TINAGL1: variants seen among roughly 807,000 people sequenced by gnomAD.
The protein encoded by TINAGL1 is tubulointerstitial nephritis antigen-like.
A neutral mutation model predicts 62.0 loss-of-function variants in TINAGL1; 34 were observed. That is an observed-to-expected ratio of 0.55 (90% CI 0.42 to 0.73). TINAGL1 has a LOEUF of 0.73. Among genes scored for constraint, TINAGL1 ranks in the 30% least tolerant of loss-of-function variants. The pLI, the probability that TINAGL1 is intolerant of heterozygous loss-of-function variation, is 0.00. For missense variants in TINAGL1, 516 were observed against 653.2 expected (o/e 0.79, Z 2.29); for synonymous variants, 221 against 249.7 (o/e 0.88, Z 1.08).
At chr1:31,579,008 G>C (rs28520749) in intron 2 of TINAGL1, among the ~76,000 whole-genome samples, 196 bp from the exon 3 acceptor site, 30,643 of 87,218 alleles carry the variant, frequency 0.35, 8,992 homozygotes, top group Non-Finnish European at 0.45. Context: ...TGGTGTGTGT[G>C]TGTGTGTGTG....
chr1:31,579,256 C>T lies in TINAGL1; in HGVS notation c.363C>T (p.Asn121=), dbSNP rs1639135975. ...IYPVLGTYWD[N]CNRCTCQENR... is the part of the protein sequence containing the mutation. ...CAGTCTTGGGAACGTACTGGGACAA[C>T]TGTAACCGTTGGTGAGTGTTTGGAG... Residue 121 remains asparagine (N), a synonymous_variant, in exon 3 of 12, where the codon AAC becomes AAT. Transcript: ENST00000271064. The T allele has an allele frequency of 6.2e-7, 1 of 1,614,056 alleles. No homozygotes were observed. The highest frequency in any genetic ancestry group is 8.5e-7 in the Non-Finnish European group (1 of 1,179,928).
At chr1:31,580,771 C>A in intron 3 of TINAGL1, 1 of 1,217,804 alleles carries the variant, frequency 8.2e-7, no homozygotes, top group South Asian at 1.4e-5. Flanking sequence ...TCATAGAATG[C>A]AGCCCTTCAG....
chr1:31,577,045 G>A lies in TINAGL1; in HGVS notation c.-15-89G>A, dbSNP rs1255043912. ...GAATCGGGATCTCCCTCCCTGCTGG[G>A]CCCTCTTGAACTCACAGCTCCAGGA... On this transcript the variant is annotated intron_variant, in intron 1 of 11. Transcript: ENST00000271064. This position sits in a 1 kb window ranked among gnomAD's most constrained non-coding sequence, Gnocchi z 5.4. 2 of 1,197,940 alleles carry A rather than the reference G, an allele frequency of 1.7e-6. No individual in the cohort carries two copies. The highest frequency in any genetic ancestry group is 2.6e-5 in the East Asian group (1 of 38,186). 74.2% of individuals were successfully genotyped at this position (1,197,940 alleles called of 1,614,324 possible).
At chr1:31,578,243 G>GTGTGTGT (rs1639055222) in intron 2 of TINAGL1, 2 of 300,002 alleles carry the variant, frequency 6.7e-6, no homozygotes, top group African/African-American at 2.6e-5. Context: ...AGTGAGAGCT[G>GTGTGTGT]GTGTGTGTGT....
chr1:31,582,112 T>C (rs138782501), intron 3 of TINAGL1, among the ~76,000 whole-genome samples: 2 of 152,314 alleles, frequency 1.3e-5, no homozygotes, highest in African/African-American at 4.8e-5. Flanking sequence ...GGTGGATCAC[T>C]TGAGGCCAGG....
In TINAGL1 at chr1:31,583,891, T is replaced by C; in HGVS notation, c.582+316T>C. On this transcript the variant is annotated intron_variant, in intron 5 of 11. Transcript: ENST00000271064. The surrounding 1 kb of genome is among the most constrained non-coding windows in gnomAD (Gnocchi z 4.4). ...CCAAGGGGACAGGGGGTCACCTTGG[T>C]ATTTTGGGAAGGGAAGGACACACAC... The C allele has an allele frequency of 3.4e-6, 1 of 291,058 alleles. No individual in the cohort carries two copies. The highest frequency in any genetic ancestry group is 6.5e-6 in the Non-Finnish European group (1 of 153,124). 18.0% of individuals were successfully genotyped at this position (291,058 alleles called of 1,614,324 possible).
Position 31,582,999 on chromosome 1 carries a change from T to C in TINAGL1, c.375-150T>C. 3 of 681,458 alleles carry C rather than the reference T, an allele frequency of 4.4e-6. No homozygotes were observed. In the South Asian group the frequency reaches 5.1e-5, roughly 12 times the overall value. 42.2% of individuals were successfully genotyped at this position (681,458 alleles called of 1,614,324 possible). ...AGAATCATGAACTAGACGTTGACAT[T>C]TAAAGCCACCAGGCTGGATGGGATC... On this transcript the variant is annotated intron_variant, in intron 3 of 11. Coordinates refer to ENST00000271064, the MANE Select transcript of TINAGL1 (RefSeq NM_022164.3).
Position 31,577,236 on chromosome 1 carries a change from G to A in TINAGL1, c.88G>A (p.Glu30Lys). The A allele has an allele frequency of 1.2e-6, 2 of 1,607,546 alleles. No homozygotes were observed. The highest frequency in any genetic ancestry group is 1.1e-5 in the South Asian group (1 of 90,872). Residue 30 changes from glutamate to lysine, a missense_variant, in exon 2 of 12, where the codon GAG (glutamate) becomes AAG (lysine). Transcript: ENST00000271064. This position sits in a 1 kb window ranked among gnomAD's most constrained non-coding sequence, Gnocchi z 5.4. ...TGCCCAGCAGGGTCGTGGGCGCCGG[G>A]AGCTAGCACCGGGTCTGCACCTGCG... is the stretch of plus-strand genomic sequence containing the variant. ...LGAQQGRGRR[E>K]LAPGLHLRGI...
chr1:31,580,654 G>T lies in TINAGL1; in HGVS notation c.374+1387G>T, dbSNP rs889841600. On this transcript the variant is annotated intron_variant, in intron 3 of 11. Coordinates refer to ENST00000271064, the MANE Select transcript of TINAGL1 (RefSeq NM_022164.3). ...ATACTGGGTCTTGGCTCCCCTTGAG[G>T]CTCCTTAAAAGGCAACATTGGAGGT... is the stretch of plus-strand genomic sequence containing the variant. 7 of 1,288,966 alleles carry T rather than the reference G, an allele frequency of 5.4e-6. No individual in the cohort carries two copies. In the East Asian group the frequency reaches 3.3e-4, roughly 61 times the overall value. 79.8% of individuals were successfully genotyped at this position (1,288,966 alleles called of 1,614,324 possible).
rs928936329 is a variant in TINAGL1, at chr1:31,583,136, C to T, written c.375-13C>T. 4.3e-6 allele frequency: 7 copies of T among 1,613,802 alleles called. No individual in the cohort carries two copies. The East Asian group carries it at 6.7e-5, about 15-fold the overall frequency. On this transcript the variant is annotated splice_polypyrimidine_tract_variant and intron_variant, in intron 3 of 11. Transcript: ENST00000271064. This position sits in a 1 kb window ranked among gnomAD's most constrained non-coding sequence, Gnocchi z 4.4. The stretch of plus-strand genomic sequence containing the variant: ...CCCCCACTTACCCTTTCCTTCTCTC[C>T]TTTTCTCACCAGCACCTGCCAGGAG...
In TINAGL1 at chr1:31,581,364, A is replaced by G. The variant is rs893297193; in HGVS notation, c.375-1785A>G. 3.3e-5 allele frequency among the ~76,000 whole-genome samples: 5 copies of G among 152,186 alleles called. No individual in the cohort carries two copies. The East Asian group carries it at 7.7e-4, about 24-fold the overall frequency. ...GCCGGGGTCCAGGTGAGAGGTGATG[A>G]GGGACGGGAGTAGGGTGGCCACAGT... On this transcript the variant is annotated intron_variant, in intron 3 of 11. Coordinates refer to ENST00000271064, the MANE Select transcript of TINAGL1 (RefSeq NM_022164.3).
chr1:31,586,407 G>A (rs1570221595), intron 10 of TINAGL1: 3 of 532,708 alleles, frequency 5.6e-6, no homozygotes, highest in Non-Finnish European at 1.0e-5. Context: ...TGGATGTGTG[G>A]TCCCATAGAA....
chr1:31,579,613 C>A, intron 3 of TINAGL1: 1 of 228,170 alleles, frequency 4.4e-6, no homozygotes, highest in South Asian at 7.1e-5. Flanking sequence ...GGAAGGAAAG[C>A]TCTGACTGCA....
Position 31,583,649 on chromosome 1 carries a change from T to C in TINAGL1, c.582+74T>C. 1 of 1,360,276 alleles carries C rather than the reference T, an allele frequency of 7.4e-7. No homozygotes were observed. 84.3% of individuals were successfully genotyped at this position (1,360,276 alleles called of 1,614,324 possible). On this transcript the variant is annotated intron_variant, in intron 5 of 11. Transcript: ENST00000271064. This position sits in a 1 kb window ranked among gnomAD's most constrained non-coding sequence, Gnocchi z 4.4. ...CCTCAGGGATGCTGGCCCTGTGCCCTGCTCCTCCAAGGGCCTGGACCATCC... is the reference window on the plus strand; with the variant it reads ...CCTCAGGGATGCTGGCCCTGTGCCCCGCTCCTCCAAGGGCCTGGACCATCC...
chr1:31,580,564 C>T (rs1216212801), intron 3 of TINAGL1: 1 of 1,289,272 alleles, frequency 7.8e-7, no homozygotes. Context: ...CCTTCCCGGC[C>T]CTGCAGACTC....
intron 10 of TINAGL1, chr1:31,586,350 C>A (rs1639390762): frequency 4.4e-6 from 2 of 458,082 alleles, no homozygotes; most frequent in South Asian, 5.3e-5. Flanking sequence ...TTCCTTCTGG[C>A]CCTTGGCACC....
In TINAGL1 at chr1:31,585,888, G is replaced by A; in HGVS notation, c.1217+12G>A. 1 of 1,569,954 alleles carries A rather than the reference G, an allele frequency of 6.4e-7. No homozygotes were observed. Among genetic ancestry groups the A allele is most frequent in the East Asian group, 2.3e-5 (1 of 42,628 alleles). On this transcript the variant is annotated intron_variant, in intron 10 of 11. Coordinates refer to ENST00000271064, the MANE Select transcript of TINAGL1 (RefSeq NM_022164.3). The surrounding 1 kb of genome is among the most constrained non-coding windows in gnomAD (Gnocchi z 4.3). ...GTCAAGATCACAGGGTGAGGGGCGT[G>A]TGGGCAGAGGGGGTTTGGGACAGCA...
In TINAGL1 at chr1:31,577,241, A is replaced by G; in HGVS notation, c.93A>G (p.Leu31=). ...AGCAGGGTCGTGGGCGCCGGGAGCT[A>G]GCACCGGGTCTGCACCTGCGGGGCA... is the stretch of plus-strand genomic sequence containing the variant. ...GAQQGRGRRE[L]APGLHLRGIR... Residue 31 remains leucine (L), a synonymous_variant, in exon 2 of 12, where the codon CTA becomes CTG. Coordinates refer to ENST00000271064, the MANE Select transcript of TINAGL1 (RefSeq NM_022164.3). The surrounding 1 kb of genome is among the most constrained non-coding windows in gnomAD (Gnocchi z 5.4). The G allele has an allele frequency of 6.2e-7, 1 of 1,608,522 alleles. No individual in the cohort carries two copies. Among genetic ancestry groups the G allele is most frequent in the South Asian group, 1.1e-5 (1 of 90,910 alleles).
chr1:31,581,704 A>T (rs945214), intron 3 of TINAGL1, among the ~76,000 whole-genome samples: 14,675 of 152,090 alleles, frequency 0.096, 1,118 homozygotes, highest in East Asian at 0.23. Context: ...TTAATGATGG[A>T]CCAGGCCCAG....
Sources: gnomAD v4.1 joint callset for allele counts (sites outside exome capture counted in the v4.1 genomes callset) on GRCh38, gnomAD v4.1.1 for gene constraint, Gnocchi (gnomAD v3.1) non-coding constraint, MANE v1.5 for transcripts, NCBI Gene and HGNC (gene_info 2026-07-23, HGNC 2026-07-21) for gene names.